VAT1L: variants seen among roughly 807,000 people sequenced by gnomAD.
VAT1L encodes vesicle amine transport 1 like, also known as putative NADPH-dependent quinone oxidoreductase VAT1L.
A neutral mutation model predicts 44.1 loss-of-function variants in VAT1L; 34 were observed. That is an observed-to-expected ratio of 0.77 (90% CI 0.59 to 1.03). The LOEUF (loss-of-function observed/expected upper bound fraction) is 1.03, where lower values mean the gene tolerates loss of function less well. Ranked by LOEUF, VAT1L falls within the 50% of genes least tolerant of loss-of-function variation. The probability of loss-of-function intolerance (pLI) is 0.00; values close to 1 mark genes in which losing one functional copy is unlikely to be tolerated. For synonymous variants in VAT1L, 253 were observed against 202.2 expected (o/e 1.25, Z -2.13); for missense variants, 615 against 538.8 (o/e 1.14, Z -1.40).
intron 4 of VAT1L, among the ~76,000 whole-genome samples, chr16:77,876,100 C>T (rs1171707256): frequency 1.3e-5 from 2 of 152,244 alleles, no homozygotes; most frequent in African/African-American, 4.8e-5. Flanking sequence ...CTCAGACCCA[C>T]TGACCCCAAG....
intron 1 of VAT1L, among the ~76,000 whole-genome samples, chr16:77,789,610 T>C (rs571677410): frequency 2.6e-5 from 4 of 152,194 alleles, no homozygotes; most frequent in Non-Finnish European, 5.9e-5. Context: ...GTCGGTACCT[T>C]GCACCCAGGC....
intron 3 of VAT1L, among the ~76,000 whole-genome samples, chr16:77,840,149 G>A (rs972536423): frequency 7.2e-5 from 11 of 152,180 alleles, no homozygotes; most frequent in African/African-American, 2.7e-4. Context: ...GTGAGTGGTG[G>A]CTGTGATTAT....
intron 6 of VAT1L, among the ~76,000 whole-genome samples, chr16:77,882,853 T>C (rs563913432): frequency 6.6e-6 from 1 of 152,166 alleles, no homozygotes; most frequent in Non-Finnish European, 1.5e-5. Context: ...ATACGTTAAG[T>C]TATTTAGTGA....
In VAT1L at chr16:77,884,498, G is replaced by C. The variant is rs572896226; in HGVS notation, c.883-110G>C. 1.3e-4 allele frequency: 131 copies of C among 1,045,238 alleles called. No homozygotes were observed. The African/African-American group carries it at 1.4e-3, about 11-fold the overall frequency. The allele number at this position is 1,045,238 out of a possible 1,614,324, so 64.7% of individuals were successfully genotyped here. ...CCCTTGGCCAGCTGGAATCTGCTGA[G>C]CTGCAGCCCCACGTTCCCCCTGTAG... On this transcript the variant is annotated intron_variant, in intron 6 of 8. Transcript: ENST00000302536. This position sits in a 1 kb window ranked among gnomAD's most constrained non-coding sequence, Gnocchi z 4.5.
At chr16:77,948,661 C>T (rs2018001807) in intron 7 of VAT1L, among the ~76,000 whole-genome samples, 1 of 152,090 alleles carries the variant, frequency 6.6e-6, no homozygotes, top group Non-Finnish European at 1.5e-5. Flanking sequence ...CATTGCCTTC[C>T]CTTTCTCACT....
At position 77,939,898 on chromosome 16, in the gene VAT1L, G is replaced by C. The variant is rs150442772; in HGVS notation, c.1078-31952G>C. Among the ~76,000 whole-genome samples, 134 of 152,282 alleles carry C rather than the reference G, an allele frequency of 8.8e-4. 1 individual carries two copies. The highest frequency in any genetic ancestry group is 3.0e-3 in the African/African-American group (123 of 41,556). On this transcript the variant is annotated intron_variant, in intron 7 of 8. Transcript: ENST00000302536. ...GAGTGTGGGTTGGAAAGGCTTGTTA[G>C]TCTGCTTTATATACAATGATCAATT...
rs769425319 is a variant in VAT1L, at chr16:77,977,746, C to T, written c.*51C>T. On this transcript the variant is annotated 3_prime_UTR_variant, in exon 9 of 9. Coordinates refer to ENST00000302536, the MANE Select transcript of VAT1L (RefSeq NM_020927.3). ...AAGGATGGTTTGGAAGATGAGGACC[C>T]GGCTGAGAAAACTCTTCTGTGCCCC... The T allele has an allele frequency of 1.3e-5, 21 of 1,561,668 alleles. No individual in the cohort carries two copies. The East Asian group carries it at 2.7e-4, about 20-fold the overall frequency.
intron 7 of VAT1L, among the ~76,000 whole-genome samples, chr16:77,948,974 TATC>T (rs368311197): frequency 8.5e-5 from 13 of 152,312 alleles, no homozygotes; most frequent in African/African-American, 3.1e-4. Context: ...CACTGTCACT[TATC>T]ATTACTGAAT....
chr16:77,841,510 G>T (rs2016705701), intron 3 of VAT1L, among the ~76,000 whole-genome samples: 1 of 152,192 alleles, frequency 6.6e-6, no homozygotes, highest in Non-Finnish European at 1.5e-5. Flanking sequence ...CCTAATGGTA[G>T]TCATGGGACA....
chr16:77,839,648 A>T (rs2016683116), intron 3 of VAT1L, among the ~76,000 whole-genome samples: 1 of 151,654 alleles, frequency 6.6e-6, no homozygotes, highest in Non-Finnish European at 1.5e-5. Context: ...ATAGAGAAAG[A>T]AATGACAGTA....
intron 7 of VAT1L, among the ~76,000 whole-genome samples, chr16:77,916,330 G>A (rs139136069): frequency 6.6e-6 from 1 of 152,256 alleles, no homozygotes; most frequent in Non-Finnish European, 1.5e-5. Context: ...ATGGTATGGC[G>A]CAAGGGGCTC....
At chr16:77,885,282 G>A (rs1329102522) in intron 7 of VAT1L, among the ~76,000 whole-genome samples, 1 of 152,168 alleles carries the variant, frequency 6.6e-6, no homozygotes, top group Non-Finnish European at 1.5e-5. Context: ...TCTAAAGTTG[G>A]ATTGAGTCTT....
At chr16:77,869,799 C>A (rs2017011841) in intron 4 of VAT1L, among the ~76,000 whole-genome samples, 1 of 152,198 alleles carries the variant, frequency 6.6e-6, no homozygotes, top group African/African-American at 2.4e-5. Context: ...AGGAAGGAAT[C>A]AAACTCCCGA....
chr16:77,870,711 A>T (rs1475447179), intron 4 of VAT1L, among the ~76,000 whole-genome samples: 1 of 152,214 alleles, frequency 6.6e-6, no homozygotes, highest in African/African-American at 2.4e-5. Context: ...GAAAAAGCAC[A>T]CAGAGGAATT....
Position 77,909,281 on chromosome 16 carries a change from A to G in VAT1L, c.1077+24479A>G, listed in dbSNP as rs74805494. ...GTGATGATATTCTGTCATAAGCTAT[A>G]TATTTCTTCTAAATCTTACCTCCTC... is the stretch of plus-strand genomic sequence containing the variant. On this transcript the variant is annotated intron_variant, in intron 7 of 8. Transcript: ENST00000302536. 9.8e-3 allele frequency among the ~76,000 whole-genome samples: 1,488 copies of G among 152,326 alleles called. 26 individuals are homozygous for G. Among genetic ancestry groups the G allele is most frequent in the African/African-American group, 0.034 (1,397 of 41,562 alleles).
intron 7 of VAT1L, among the ~76,000 whole-genome samples, chr16:77,912,779 C>A (rs1283477531): frequency 1.3e-5 from 2 of 152,122 alleles, no homozygotes; most frequent in Non-Finnish European, 2.9e-5. Flanking sequence ...ATGTTTCTTT[C>A]CCACAGTTCT....
At chr16:77,922,168 G>A (rs568870351) in intron 7 of VAT1L, among the ~76,000 whole-genome samples, 3 of 150,726 alleles carry the variant, frequency 2.0e-5, no homozygotes, top group African/African-American at 7.4e-5. Flanking sequence ...CGCTGTGTGA[G>A]TTTGGGATGG....
At chr16:77,935,547 A>T (rs2017784992) in intron 7 of VAT1L, among the ~76,000 whole-genome samples, 1 of 150,242 alleles carries the variant, frequency 6.7e-6, no homozygotes, top group Admixed American at 6.6e-5. Context: ...AGAGGCAGAG[A>T]GAGATGGGGG....
chr16:77,793,137 G>A (rs1014826320), intron 1 of VAT1L, among the ~76,000 whole-genome samples: 1 of 152,034 alleles, frequency 6.6e-6, no homozygotes, highest in Non-Finnish European at 1.5e-5. Context: ...TTTGAGACAG[G>A]GTCTTGCTCT....
Sources: allele counts gnomAD v4.1 joint callset (sites outside exome capture counted in the v4.1 genomes callset), GRCh38; gene constraint gnomAD v4.1.1; non-coding constraint Gnocchi (gnomAD v3.1); transcripts MANE v1.5; gene names NCBI Gene and HGNC (gene_info 2026-07-23, HGNC 2026-07-21).